Variants in HPCA observed in about 807,000 individuals in gnomAD.
The protein encoded by HPCA is neuron-specific calcium-binding protein hippocalcin.
A neutral mutation model predicts 18.2 loss-of-function variants in HPCA; 4 were observed. The ratio of observed to expected loss-of-function variants is 0.22; its 90% CI spans 0.11 to 0.50. The LOEUF (loss-of-function observed/expected upper bound fraction) is 0.50, where lower values mean the gene tolerates loss of function less well. Among genes scored for constraint, HPCA ranks in the 20% least tolerant of loss-of-function variants. The pLI is 0.97. For synonymous variants in HPCA, 93 were observed against 103.5 expected, an observed-to-expected ratio of 0.90 and a Z score of 0.61; for missense variants, 161 against 265.8, an observed-to-expected ratio of 0.61 and a Z score of 2.74.
At position 32,887,766 on chromosome 1, in the gene HPCA, T is replaced by C. The variant is rs183725738; in HGVS notation, c.-21-1112T>C. ...CATGTGAGAGGTGTCGGCATGCGAG[T>C]TGGCGTGTGATGGCATGTGTGAGAC... is the stretch of plus-strand genomic sequence containing the variant. On this transcript the variant is annotated intron_variant, in intron 1 of 3. Coordinates refer to ENST00000373467, the MANE Select transcript of HPCA (RefSeq NM_002143.3). 2.0e-3 allele frequency among the ~76,000 whole-genome samples: 303 copies of C among 151,982 alleles called. 1 individual carries two copies. The highest frequency in any genetic ancestry group is 3.6e-3 in the Non-Finnish European group (242 of 67,964).
chr1:32,887,594 G>A (rs1641391341), intron 1 of HPCA, among the ~76,000 whole-genome samples: 1 of 152,170 alleles, frequency 6.6e-6, no homozygotes, highest in African/African-American at 2.4e-5. Context: ...GATGGGCTTG[G>A]TGGGGGGTCT....
rs1325134563 is a variant in HPCA, at chr1:32,889,830, C to A, written c.378+554C>A. On this transcript the variant is annotated intron_variant, in intron 2 of 3. Transcript: ENST00000373467. This position sits in a 1 kb window ranked among gnomAD's most constrained non-coding sequence, Gnocchi z 4.6. ...CCCCCTTTAATCTGGAATAGCTCCT[C>A]ATCCTTTCTTTATCTTTTATGAATT... Among the ~76,000 whole-genome samples the A allele has an allele frequency of 6.6e-6, 1 of 152,326 alleles. No individual in the cohort carries two copies. Among genetic ancestry groups the A allele is most frequent in the East Asian group, 1.9e-4 (1 of 5,190 alleles).
At position 32,893,659 on chromosome 1, in the gene HPCA, G is replaced by A. The variant is rs1365411381; in HGVS notation, c.484+30G>A. The A allele has an allele frequency of 1.9e-6, 3 of 1,559,454 alleles. No individual in the cohort carries two copies. The highest frequency in any genetic ancestry group is 1.1e-5 in the South Asian group (1 of 89,562). On this transcript the variant is annotated intron_variant, in intron 3 of 3. Coordinates refer to ENST00000373467, the MANE Select transcript of HPCA (RefSeq NM_002143.3). This position sits in a 1 kb window ranked among gnomAD's most constrained non-coding sequence, Gnocchi z 7.5. ...GGGGCAGGGGCGGGACGGGGTGGAC[G>A]GGGCGGGCGCCTTTCCCTCCCTCCC...
At position 32,893,547 on chromosome 1, in the gene HPCA, C is replaced by T; in HGVS notation, c.402C>T (p.Ser134=). Residue 134 remains serine (S), a synonymous_variant, in exon 3 of 4, where the codon TCC becomes TCT. Coordinates refer to ENST00000373467, the MANE Select transcript of HPCA (RefSeq NM_002143.3). The surrounding 1 kb of genome is among the most constrained non-coding windows in gnomAD (Gnocchi z 7.5). ...AGGCCATTTACAAGATGGTTTCGTCCGTGATGAAGATGCCGGAGGACGAGT... is the reference window on the plus strand; with the variant it reads ...AGGCCATTTACAAGATGGTTTCGTCTGTGATGAAGATGCCGGAGGACGAGT... ...IVQAIYKMVS[S]VMKMPEDEST... is the part of the protein sequence containing the mutation. The T allele has an allele frequency of 1.9e-6, 3 of 1,612,998 alleles. No individual in the cohort carries two copies. The highest frequency in any genetic ancestry group is 2.5e-6 in the Non-Finnish European group (3 of 1,179,416).
rs1429437444 is a variant in HPCA, at chr1:32,889,833, CCTTT to C, written c.378+562_378+565del. Among the ~76,000 whole-genome samples, 11 of 152,228 alleles carry C rather than the reference CCTTT, an allele frequency of 7.2e-5. No homozygotes were observed. Among genetic ancestry groups the C allele is most frequent in the Non-Finnish European group, 1.5e-4 (10 of 68,050 alleles). On this transcript the variant is annotated intron_variant, in intron 2 of 3. Coordinates refer to ENST00000373467, the MANE Select transcript of HPCA (RefSeq NM_002143.3). This position sits in a 1 kb window ranked among gnomAD's most constrained non-coding sequence, Gnocchi z 4.6. ...CCTTTAATCTGGAATAGCTCCTCAT[CCTTT>C]CTTTATCTTTTATGAATTGACATTT...
chr1:32,894,586 A>C lies in HPCA; in HGVS notation c.*724A>C. 3 of 499,958 alleles carry C rather than the reference A, an allele frequency of 6.0e-6. No homozygotes were observed. Among genetic ancestry groups the C allele is most frequent in the South Asian group, 4.1e-5 (1 of 24,304 alleles). The allele number at this position is 499,958 out of a possible 1,614,324, so 31.0% of individuals were successfully genotyped here. ...CCCCCCAACCGCCCCCCCTGCATGC[A>C]GCCAAATGGAGCATCTCTGTTCTTT... is the stretch of plus-strand genomic sequence containing the variant. On this transcript the variant is annotated 3_prime_UTR_variant, in exon 4 of 4. Transcript: ENST00000373467.
At chr1:32,890,008 A>AC (rs1177174725) in intron 2 of HPCA, among the ~76,000 whole-genome samples, 1 of 152,228 alleles carries the variant, frequency 6.6e-6, no homozygotes, top group Non-Finnish European at 1.5e-5. Flanking sequence ...CCATCTGGAT[A>AC]CCCAGCCATC....
At chr1:32,891,043 C>T (rs140338016) in intron 2 of HPCA, among the ~76,000 whole-genome samples, 1 of 152,328 alleles carries the variant, frequency 6.6e-6, no homozygotes, top group East Asian at 1.9e-4. Context: ...GGCATTTTAC[C>T]ACTTAGTGTG....
rs1421709188 is a variant in HPCA, at chr1:32,889,328, C to T, written c.378+52C>T. 2 of 1,549,752 alleles carry T rather than the reference C, an allele frequency of 1.3e-6. No homozygotes were observed. The highest frequency in any genetic ancestry group is 1.7e-6 in the Non-Finnish European group (2 of 1,146,364). On this transcript the variant is annotated intron_variant, in intron 2 of 3. Transcript: ENST00000373467. This position sits in a 1 kb window ranked among gnomAD's most constrained non-coding sequence, Gnocchi z 4.6. ...CAGGCACAGGGCCCGGCAGCTTGCA[C>T]CCACCACCCCTTTTGATCCTCTCAG...
rs1641427797 is a variant in HPCA at position 32,889,929 on chromosome 1, G to A, written c.378+653G>A. ...ACACCAGAGGAAACGGATGCTCAGAGAGATAAAGGCACTTGCTTGAGGCCA... is the reference window on the plus strand; with the variant it reads ...ACACCAGAGGAAACGGATGCTCAGAAAGATAAAGGCACTTGCTTGAGGCCA... On this transcript the variant is annotated intron_variant, in intron 2 of 3. Transcript: ENST00000373467. This position sits in a 1 kb window ranked among gnomAD's most constrained non-coding sequence, Gnocchi z 4.6. Among the ~76,000 whole-genome samples, 1 of 152,238 alleles carries A rather than the reference G, an allele frequency of 6.6e-6. No homozygotes were observed. The highest frequency in any genetic ancestry group is 1.9e-4 in the East Asian group (1 of 5,194).
chr1:32,889,106 C>T lies in HPCA; in HGVS notation c.208C>T (p.Arg70Cys), dbSNP rs1201103779. ...CTCCAAGTTTGCCGAGCACGTCTTC[C>T]GCACCTTTGACACCAACAGCGATGG... The part of the protein sequence containing the change: ...DASKFAEHVF[R>C]TFDTNSDGTI... The change falls in exon 2 of 4, where the codon CGC becomes TGC. Residue 70 changes from arginine to cysteine, a missense_variant. Coordinates refer to ENST00000373467, the MANE Select transcript of HPCA (RefSeq NM_002143.3). This position sits in a 1 kb window ranked among gnomAD's most constrained non-coding sequence, Gnocchi z 4.6. The T allele has an allele frequency of 3.1e-6, 5 of 1,614,248 alleles. No homozygotes were observed. Among genetic ancestry groups the T allele is most frequent in the Admixed American group, 3.3e-5 (2 of 60,028 alleles).
chr1:32,890,368 C>G (rs929585425), intron 2 of HPCA, among the ~76,000 whole-genome samples: 1 of 152,230 alleles, frequency 6.6e-6, no homozygotes, highest in African/African-American at 2.4e-5. Context: ...AGCTTTATTT[C>G]AGAAACCACC....
Position 32,888,943 on chromosome 1 carries a change from C to A in HPCA, c.45C>A (p.Asp15Glu), listed in dbSNP as rs1358964147. The A allele has an allele frequency of 1.2e-6, 2 of 1,613,808 alleles. No individual in the cohort carries two copies. Among genetic ancestry groups the A allele is most frequent in the Non-Finnish European group, 1.7e-6 (2 of 1,179,922 alleles). The change falls in exon 2 of 4, where the codon GAC (aspartate) becomes GAA (glutamate). Residue 15 changes from aspartate (D) to glutamate (E), a missense_variant. Transcript: ENST00000373467. ...AGCTGCGGCCCGAGATGTTGCAGGA[C>A]CTGCGAGAGAACACAGAGTTCTCAG... ...NSKLRPEMLQ[D>E]LRENTEFSEL...
chr1:32,888,883 A>C lies in HPCA; in HGVS notation c.-16A>C, dbSNP rs778934384. 3.8e-6 allele frequency: 6 copies of C among 1,597,944 alleles called. No individual in the cohort carries two copies. The highest frequency in any genetic ancestry group is 5.1e-6 in the Non-Finnish European group (6 of 1,171,952). On this transcript the variant is annotated 5_prime_UTR_variant, in exon 2 of 4. Transcript: ENST00000373467. Reference sequence around the variant, plus strand: ...TGACCCCCTTGGGGACCCAGGTGGGACTTGGCTCGGCGGCCATGGGCAAGC... The same window carrying C: ...TGACCCCCTTGGGGACCCAGGTGGGCCTTGGCTCGGCGGCCATGGGCAAGC...
At position 32,889,117 on chromosome 1, in the gene HPCA, C is replaced by T; in HGVS notation, c.219C>T (p.Asp73=). Residue 73 remains aspartate, a synonymous_variant, in exon 2 of 4, where the codon GAC becomes GAT. Transcript: ENST00000373467. This position sits in a 1 kb window ranked among gnomAD's most constrained non-coding sequence, Gnocchi z 4.6. ...CCGAGCACGTCTTCCGCACCTTTGA[C>T]ACCAACAGCGATGGCACCATAGACT... The part of the protein sequence containing the change: ...KFAEHVFRTF[D]TNSDGTIDFR... 1.2e-6 allele frequency: 2 copies of T among 1,614,264 alleles called. No individual in the cohort carries two copies. The highest frequency in any genetic ancestry group is 1.7e-6 in the Non-Finnish European group (2 of 1,180,040).
Position 32,893,944 on chromosome 1 carries a change from CTGGGG to C in HPCA, c.*83_*87del. The C allele has an allele frequency of 1.9e-6, 2 of 1,067,062 alleles. No homozygotes were observed. Among genetic ancestry groups the C allele is most frequent in the Non-Finnish European group, 2.8e-6 (2 of 722,878 alleles). The allele number at this position is 1,067,062 out of a possible 1,614,324, so 66.1% of individuals were successfully genotyped here. A position where few individuals can be genotyped will look rare whatever the true frequency, so the allele number is the denominator to read the frequency against. On this transcript the variant is annotated 3_prime_UTR_variant, in exon 4 of 4. Coordinates refer to ENST00000373467, the MANE Select transcript of HPCA (RefSeq NM_002143.3). The surrounding 1 kb of genome is among the most constrained non-coding windows in gnomAD (Gnocchi z 7.5). ...TTCCACTCCCTTGTGTGTATTCTGG[CTGGGG>C]GCCAGATTGGGGAAGCCCTTCTCCC...
In HPCA at chr1:32,893,450, G is replaced by C. The variant is rs1225966179; in HGVS notation, c.379-74G>C. On this transcript the variant is annotated intron_variant, in intron 2 of 3. Coordinates refer to ENST00000373467, the MANE Select transcript of HPCA (RefSeq NM_002143.3). The surrounding 1 kb of genome is among the most constrained non-coding windows in gnomAD (Gnocchi z 7.5). The stretch of plus-strand genomic sequence containing the variant: ...GGGGCAGCAAACGTCAGAGAGCCCG[G>C]GGGCGCCTCTGAATCTTGCGGGTGG... The C allele has an allele frequency of 1.9e-6, 2 of 1,059,084 alleles. No homozygotes were observed. Among genetic ancestry groups the C allele is most frequent in the African/African-American group, 3.1e-5 (2 of 63,590 alleles). The allele number at this position is 1,059,084 out of a possible 1,614,324, so 65.6% of individuals were successfully genotyped here. A position where few individuals can be genotyped will look rare whatever the true frequency, so the allele number is the denominator to read the frequency against.
intron 1 of HPCA, 145 bp from the exon 2 acceptor site, chr1:32,888,733 T>C (rs940383296): frequency 3.1e-5 from 22 of 720,428 alleles, no homozygotes; most frequent in Non-Finnish European, 4.7e-5. Context: ...GTCTAGGCTG[T>C]GTGACCTTGG....
chr1:32,890,276 C>T (rs1048447178), intron 2 of HPCA, among the ~76,000 whole-genome samples: 5 of 152,192 alleles, frequency 3.3e-5, no homozygotes, highest in Admixed American at 6.5e-5. Context: ...CTCATCTGTA[C>T]GCTCATACTG....
Sources: gnomAD v4.1 joint callset for allele counts (sites outside exome capture counted in the v4.1 genomes callset) on GRCh38, gnomAD v4.1.1 for gene constraint, Gnocchi (gnomAD v3.1) non-coding constraint, MANE v1.5 for transcripts, NCBI Gene and HGNC (gene_info 2026-07-23, HGNC 2026-07-21) for gene names.